The following COG6 variants were observed in gnomAD, a reference collection of about 807,000 sequenced individuals.
The protein encoded by COG6 is conserved oligomeric Golgi complex subunit 6.
In COG6, 74 loss-of-function variants were observed where a neutral mutation model predicts 88.8. The observed-to-expected ratio is 0.83, with a 90% CI of 0.69 to 1.01. COG6 has a LOEUF of 1.01. Ranked by LOEUF, COG6 falls within the 50% of genes least tolerant of loss-of-function variation. The pLI is 0.00. For synonymous variants in COG6, 286 were observed against 278.7 expected (o/e 1.03, Z -0.26); for missense variants, 800 against 797.9 (o/e 1.00, Z -0.03).
chr13:39,709,298 T>A (rs1339120905), intron 13 of COG6, among the ~76,000 whole-genome samples: 2 of 151,810 alleles, frequency 1.3e-5, no homozygotes, highest in Non-Finnish European at 2.9e-5. Context: ...TTTTATTTAT[T>A]TTTAATTTTT....
chr13:39,687,857 T>G, intron 10 of COG6, 58 bp downstream of exon 10: 6 of 1,211,498 alleles, frequency 5.0e-6, no homozygotes, highest in Non-Finnish European at 6.1e-6. Flanking sequence ...CAAGCATCTC[T>G]GTTTCTGTTC....
At chr13:39,712,742 A>G (rs775692915) in intron 13 of COG6, among the ~76,000 whole-genome samples, 19 of 152,228 alleles carry the variant, frequency 1.2e-4, no homozygotes, top group Non-Finnish European at 2.1e-4. Flanking sequence ...ATTCATTCAC[A>G]TGAACCTACT....
chr13:39,711,690 A>C (rs1430996787), intron 13 of COG6, among the ~76,000 whole-genome samples: 1 of 152,236 alleles, frequency 6.6e-6, no homozygotes, highest in African/African-American at 2.4e-5. Flanking sequence ...TGTAAAATAC[A>C]TGGTACAGTT....
intron 18 of COG6, among the ~76,000 whole-genome samples, chr13:39,749,106 A>T (rs967160914): frequency 1.3e-5 from 2 of 152,182 alleles, no homozygotes; most frequent in Non-Finnish European, 2.9e-5. Flanking sequence ...TATTACGTTA[A>T]TCTAGCTAGT....
At chr13:39,754,375 A>C (rs960492255), downstream of COG6, among the ~76,000 whole-genome samples, 1 of 152,206 alleles carries the variant, frequency 6.6e-6, no homozygotes, top group African/African-American at 2.4e-5. Flanking sequence ...AATCAGAATA[A>C]TATAATACTA....
At chr13:39,682,899 G>A (rs1876398629) in intron 8 of COG6, among the ~76,000 whole-genome samples, 1 of 152,040 alleles carries the variant, frequency 6.6e-6, no homozygotes, top group African/African-American at 2.4e-5. Context: ...GCTTTAGGTA[G>A]ATGTAGGGGT....
At chr13:39,740,565 G>A (rs1879990754) in intron 18 of COG6, among the ~76,000 whole-genome samples, 1 of 152,114 alleles carries the variant, frequency 6.6e-6, no homozygotes, top group Non-Finnish European at 1.5e-5. Flanking sequence ...TTCAACACTA[G>A]ACTATACTGT....
At chr13:39,739,958 T>G (rs1879960388) in intron 18 of COG6, among the ~76,000 whole-genome samples, 1 of 152,178 alleles carries the variant, frequency 6.6e-6, no homozygotes, top group Non-Finnish European at 1.5e-5. Flanking sequence ...CTCTTCTGTA[T>G]ACCAGAAATA....
At chr13:39,768,703 G>T (rs1417002814) in intron 18 of COG6, among the ~76,000 whole-genome samples, 3 of 151,880 alleles carry the variant, frequency 2.0e-5, no homozygotes. Context: ...TTGTAATTAC[G>T]TGATATCTGC....
intron 13 of COG6, among the ~76,000 whole-genome samples, chr13:39,706,279 T>TATATATTTAAATATATATATATATA (rs1877917992): frequency 1.9e-5 from 1 of 51,298 alleles, no homozygotes; most frequent in Non-Finnish European, 4.6e-5. Context: ...ATATATATAT[T>TATATATTTAAATATATATATATATA]TAAATATATA....
chr13:39,762,256 G>A (rs1881038690), intron 18 of COG6, among the ~76,000 whole-genome samples: 1 of 151,822 alleles, frequency 6.6e-6, no homozygotes, highest in Admixed American at 6.6e-5. Context: ...AGTGAAATAA[G>A]CCAGGCACAG....
intron 4 of COG6, among the ~76,000 whole-genome samples, chr13:39,673,648 T>C (rs951498895): frequency 1.3e-5 from 2 of 151,962 alleles, no homozygotes; most frequent in African/African-American, 2.4e-5. Context: ...CTTTTAAGTG[T>C]AAAAAACTGC....
chr13:39,744,854 C>T (rs972174026), intron 18 of COG6, among the ~76,000 whole-genome samples: 19 of 152,284 alleles, frequency 1.2e-4, no homozygotes, highest in African/African-American at 4.6e-4. Context: ...TCAAACTATA[C>T]TACAAGGCTA....
chr13:39,658,790 TC>T (rs1210835704), intron 1 of COG6, among the ~76,000 whole-genome samples: 1 of 152,166 alleles, frequency 6.6e-6, no homozygotes, highest in African/African-American at 2.4e-5. Flanking sequence ...AGAGAGGCCT[TC>T]CCCTTTAAGT....
intron 1 of COG6, chr13:39,656,181 A>C: frequency 1.8e-6 from 1 of 552,856 alleles, no homozygotes; most frequent in African/African-American, 1.9e-5. Context: ...TCCTCCAAAC[A>C]CCCCTGGAGG....
At chr13:39,745,059 T>G (rs1289872893) in intron 18 of COG6, among the ~76,000 whole-genome samples, 2 of 152,148 alleles carry the variant, frequency 1.3e-5, no homozygotes, top group Non-Finnish European at 2.9e-5. Context: ...TGAACCTGGA[T>G]CCCTTCCTTA....
chr13:39,740,165 G>A (rs1433710293), intron 18 of COG6, among the ~76,000 whole-genome samples: 1 of 152,136 alleles, frequency 6.6e-6, no homozygotes. Context: ...AGGTTAATCT[G>A]TAAATAACTC....
At chr13:39,666,567 GT>G (rs1875284200) in intron 4 of COG6, among the ~76,000 whole-genome samples, 1 of 152,070 alleles carries the variant, frequency 6.6e-6, no homozygotes. Flanking sequence ...CAACTCCTTA[GT>G]TTTACATCCA....
chr13:39,728,484 T>C (rs1362423050), intron 18 of COG6, among the ~76,000 whole-genome samples: 2 of 148,380 alleles, frequency 1.3e-5, no homozygotes, highest in Non-Finnish European at 3.0e-5. Flanking sequence ...TTTTTTTTTT[T>C]CTCAGACACA....
Sources: allele counts gnomAD v4.1 joint callset (sites outside exome capture counted in the v4.1 genomes callset), GRCh38; gene constraint gnomAD v4.1.1; transcripts MANE v1.5; gene names NCBI Gene and HGNC (gene_info 2026-07-23, HGNC 2026-07-21).